The following ZNF277 variants were observed in gnomAD, a reference collection of about 807,000 sequenced individuals.
ZNF277 encodes the protein nuclear receptor-interacting factor 4.
Under a neutral mutation model 60.7 loss-of-function variants are expected in ZNF277, and 55 were observed. The ratio of observed to expected loss-of-function variants is 0.91; its 90% CI spans 0.73 to 1.13. The LOEUF (loss-of-function observed/expected upper bound fraction) is 1.13, where lower values mean the gene tolerates loss of function less well. Ranked by LOEUF, ZNF277 falls within the 50% of genes most tolerant of loss-of-function variation. The pLI is 0.00. For missense variants in ZNF277, 510 were observed against 523.0 expected (o/e 0.98, Z 0.24); for synonymous variants, 178 against 179.3 (o/e 0.99, Z 0.06).
chr7:112,273,842 C>T (rs915349034), intron 1 of ZNF277, among the ~76,000 whole-genome samples: 5 of 152,030 alleles, frequency 3.3e-5, no homozygotes, highest in Admixed American at 2.0e-4. Context: ...AGCCTTTTGC[C>T]TGAAAGTGAA....
chr7:112,314,896 T>G (rs1792809823), intron 4 of ZNF277, among the ~76,000 whole-genome samples: 1 of 152,122 alleles, frequency 6.6e-6, no homozygotes, highest in Admixed American at 6.5e-5. Flanking sequence ...CAAGGATCCA[T>G]TAAGGTGTTA....
intron 1 of ZNF277, among the ~76,000 whole-genome samples, chr7:112,278,962 A>G (rs959405520): frequency 6.6e-6 from 1 of 152,154 alleles, no homozygotes; most frequent in Non-Finnish European, 1.5e-5. Flanking sequence ...AAGTTTGACT[A>G]CATACCTCAT....
intron 1 of ZNF277, among the ~76,000 whole-genome samples, chr7:112,221,085 C>T (rs962584286): frequency 1.3e-5 from 2 of 152,186 alleles, no homozygotes; most frequent in Admixed American, 1.3e-4. Context: ...GACTTCCACC[C>T]TTCCAGATCC....
chr7:112,223,814 A>G (rs1241844942), intron 1 of ZNF277, among the ~76,000 whole-genome samples: 2 of 152,228 alleles, frequency 1.3e-5, no homozygotes, highest in Non-Finnish European at 2.9e-5. Flanking sequence ...ACAGACAACC[A>G]TAGTCACAGG....
chr7:112,275,736 G>A (rs75171392), intron 1 of ZNF277, among the ~76,000 whole-genome samples: 2,323 of 150,118 alleles, frequency 0.015, 26 homozygotes, highest in South Asian at 0.038. Flanking sequence ...CATTATTAAC[G>A]TAGACACCAC....
intron 9 of ZNF277, 118 bp from the exon 10 acceptor site, chr7:112,339,725 T>C: frequency 2.1e-6 from 2 of 965,600 alleles, no homozygotes; most frequent in Non-Finnish European, 3.2e-6. Flanking sequence ...AAGCAGAAGA[T>C]ACCGAACTCA....
chr7:112,318,301 A>G (rs1792890134), intron 5 of ZNF277, 28 bp downstream of exon 5: 2 of 1,584,098 alleles, frequency 1.3e-6, no homozygotes, highest in South Asian at 1.1e-5. Context: ...TTTAAATGTT[A>G]CTGTTTTTAA....
At chr7:112,251,137 A>G (rs558480086) in intron 1 of ZNF277, among the ~76,000 whole-genome samples, 1 of 152,288 alleles carries the variant, frequency 6.6e-6, no homozygotes, top group East Asian at 1.9e-4. Context: ...CAACTTGAGG[A>G]AGAATCCACA....
intron 4 of ZNF277, among the ~76,000 whole-genome samples, chr7:112,310,478 A>AGAGAGAGAGAGAGAGAGAGTGTGT (rs762824873): frequency 1.2e-4 from 15 of 125,588 alleles, no homozygotes; most frequent in African/African-American, 3.5e-4. Flanking sequence ...AGAGAGAGAG[A>AGAGAGAGAGAGAGAGAGAGTGTGT]GTGTGTGTGT....
At chr7:112,304,762 G>A (rs1792552343) in intron 4 of ZNF277, among the ~76,000 whole-genome samples, 1 of 152,126 alleles carries the variant, frequency 6.6e-6, no homozygotes. Flanking sequence ...AGAGGAGTTG[G>A]TGTTATGTCT....
chr7:112,294,168 C>G (rs1467330976), intron 2 of ZNF277, among the ~76,000 whole-genome samples: 1 of 152,138 alleles, frequency 6.6e-6, no homozygotes, highest in Non-Finnish European at 1.5e-5. Context: ...CTCCTCTTGT[C>G]TTCTCTTTCC....
intron 1 of ZNF277, among the ~76,000 whole-genome samples, chr7:112,284,131 T>C (rs1792008669): frequency 6.6e-6 from 1 of 152,214 alleles, no homozygotes; most frequent in Non-Finnish European, 1.5e-5. Flanking sequence ...TGGATTATGG[T>C]AGTACTACTG....
chr7:112,238,833 G>A (rs552659908), intron 1 of ZNF277, among the ~76,000 whole-genome samples: 3 of 147,850 alleles, frequency 2.0e-5, no homozygotes, highest in African/African-American at 7.4e-5. Flanking sequence ...TAGAGAGCGG[G>A]TGGTGTTAGG....
At chr7:112,334,500 G>A (rs1006671650) in intron 7 of ZNF277, among the ~76,000 whole-genome samples, 5 of 149,544 alleles carry the variant, frequency 3.3e-5, no homozygotes, top group African/African-American at 9.9e-5. Context: ...CCACTTTCAC[G>A]TGCAAATTGC....
Position 112,239,980 on chromosome 7 carries a change from G to A in ZNF277, c.91+33173G>A, listed in dbSNP as rs143701052. 5.0e-3 allele frequency among the ~76,000 whole-genome samples: 756 copies of A among 152,238 alleles called. 4 individuals carry two copies. Among genetic ancestry groups the A allele is most frequent in the Non-Finnish European group, 8.2e-3 (558 of 67,986 alleles). On this transcript the variant is annotated intron_variant, in intron 1 of 11. Transcript: ENST00000361822. ...TGGTTTACAGTGTAGAGTTTTATTG[G>A]TTTTCTCTTTGCTTCTTTGTTAGTG...
chr7:112,310,473 G>A, intron 4 of ZNF277, among the ~76,000 whole-genome samples: 1 of 147,442 alleles, frequency 6.8e-6, no homozygotes, highest in African/African-American at 2.6e-5. Flanking sequence ...GAGAGAGAGA[G>A]AGAGAGTGTG....
chr7:112,259,566 C>G (rs1329136436), intron 1 of ZNF277, among the ~76,000 whole-genome samples: 1 of 152,110 alleles, frequency 6.6e-6, no homozygotes, highest in Admixed American at 6.6e-5. Flanking sequence ...AGAGACACGT[C>G]CAGTGACTTT....
chr7:112,223,008 T>G (rs1231021118), intron 1 of ZNF277, among the ~76,000 whole-genome samples: 1 of 152,212 alleles, frequency 6.6e-6, no homozygotes, highest in East Asian at 1.9e-4. Context: ...TACTCCAAGT[T>G]CTTCAGTTTT....
At chr7:112,316,108 C>A (rs1033974032) in intron 4 of ZNF277, among the ~76,000 whole-genome samples, 2 of 152,128 alleles carry the variant, frequency 1.3e-5, no homozygotes, top group Non-Finnish European at 2.9e-5. Context: ...ACATCTCTTA[C>A]AGGGAGTCAG....
Sources: allele counts gnomAD v4.1 joint callset (sites outside exome capture counted in the v4.1 genomes callset), GRCh38; gene constraint gnomAD v4.1.1; transcripts MANE v1.5; gene names NCBI Gene and HGNC (gene_info 2026-07-23, HGNC 2026-07-21).